Variants in CSMD1 observed in about 807,000 individuals in gnomAD.
The protein encoded by CSMD1 is CUB and sushi domain-containing protein 1.
CSMD1 carries 213 observed loss-of-function variants against 417.5 expected under a neutral mutation model. The observed-to-expected ratio is 0.51, with a 90% CI of 0.46 to 0.57. The LOEUF (loss-of-function observed/expected upper bound fraction) is 0.57. Among genes scored for constraint, CSMD1 ranks in the 20% least tolerant of loss-of-function variants. The probability of loss-of-function intolerance (pLI) is 0.00; values close to 1 mark genes in which losing one functional copy is unlikely to be tolerated. For missense variants in CSMD1, 6,923 were observed against 4,529.7 expected, an observed-to-expected ratio of 1.53 and a Z score of -15.17; for synonymous variants, 2,862 against 1,736.8, an observed-to-expected ratio of 1.65 and a Z score of -16.11.
intron 12 of CSMD1, among the ~76,000 whole-genome samples, chr8:3,454,293 G>A (rs55804612): frequency 1.3e-5 from 2 of 152,028 alleles, no homozygotes; most frequent in African/African-American, 2.4e-5. Context: ...CTTTTAATTG[G>A]AGCATTTGGC....
intron 4 of CSMD1, among the ~76,000 whole-genome samples, chr8:4,028,435 G>A (rs556187448): frequency 7.2e-5 from 11 of 151,994 alleles, no homozygotes; most frequent in Middle Eastern, 3.4e-3. Flanking sequence ...AGCAGTCATC[G>A]CCGTCATATG....
At chr8:4,979,976 T>C (rs1282883364) in intron 1 of CSMD1, among the ~76,000 whole-genome samples, 1 of 152,144 alleles carries the variant, frequency 6.6e-6, no homozygotes, top group African/African-American at 2.4e-5. Flanking sequence ...AGGCGCAGCT[T>C]GCAGTGAGCC....
At chr8:4,334,477 T>C (rs931949080) in intron 3 of CSMD1, among the ~76,000 whole-genome samples, 1 of 152,188 alleles carries the variant, frequency 6.6e-6, no homozygotes, top group Non-Finnish European at 1.5e-5. Context: ...GTGTTCATCC[T>C]GCCTTATCGA....
intron 3 of CSMD1, among the ~76,000 whole-genome samples, chr8:4,236,035 G>GTTTTTTTTTTTTTTTTTTTTT (rs869046913): frequency 3.6e-5 from 4 of 112,612 alleles, no homozygotes; most frequent in African/African-American, 1.2e-4. Context: ...TGTTTTTTTT[G>GTTTTTTTTTTTTTTTTTTTTT]TTTGTTTTTT....
At chr8:4,423,997 G>GCT (rs1797404041) in intron 2 of CSMD1, among the ~76,000 whole-genome samples, 1 of 151,880 alleles carries the variant, frequency 6.6e-6, no homozygotes. Context: ...GGATCAATTG[G>GCT]ATGTCCATAG....
chr8:3,069,217 C>A (rs772164239), intron 49 of CSMD1, among the ~76,000 whole-genome samples: 6 of 151,960 alleles, frequency 3.9e-5, no homozygotes, highest in Non-Finnish European at 5.9e-5. Context: ...AGGTGGATCA[C>A]GAGATCAGGA....
chr8:3,546,770 A>G (rs1025543076), intron 10 of CSMD1, among the ~76,000 whole-genome samples: 3 of 152,222 alleles, frequency 2.0e-5, no homozygotes, highest in Non-Finnish European at 4.4e-5. Context: ...GTTTCATGAC[A>G]TGAACTTTTT....
chr8:3,802,401 C>A (rs1422564338), intron 5 of CSMD1, among the ~76,000 whole-genome samples: 1 of 152,124 alleles, frequency 6.6e-6, no homozygotes, highest in Admixed American at 6.6e-5. Flanking sequence ...AATGTTGCAT[C>A]ATTTTCAAAC....
intron 3 of CSMD1, among the ~76,000 whole-genome samples, chr8:4,107,771 G>A (rs150370422): frequency 3.7e-4 from 56 of 152,322 alleles, no homozygotes; most frequent in African/African-American, 1.3e-3. Flanking sequence ...ACTGCACGAG[G>A]CTGTCACCAC....
At chr8:4,443,910 C>A (rs1464326241) in intron 2 of CSMD1, among the ~76,000 whole-genome samples, 1 of 152,100 alleles carries the variant, frequency 6.6e-6, no homozygotes, top group African/African-American at 2.4e-5. Flanking sequence ...CTACAGGAGT[C>A]CTCATAAGAA....
chr8:4,519,611 G>T (rs896743295), intron 2 of CSMD1, among the ~76,000 whole-genome samples: 1 of 151,104 alleles, frequency 6.6e-6, no homozygotes, highest in African/African-American at 2.4e-5. Context: ...ATGGTTGCAG[G>T]TACCTATAAT....
chr8:4,783,053 C>G (rs956714897), intron 1 of CSMD1, among the ~76,000 whole-genome samples: 2 of 151,972 alleles, frequency 1.3e-5, no homozygotes, highest in Non-Finnish European at 2.9e-5. Flanking sequence ...AAACACTGAC[C>G]TCTTTCATAA....
At chr8:3,090,613 C>G (rs532343297) in intron 48 of CSMD1, among the ~76,000 whole-genome samples, 6 of 152,234 alleles carry the variant, frequency 3.9e-5, no homozygotes, top group African/African-American at 1.4e-4. Context: ...TTTGGACGCT[C>G]GTAGTCCCTA....
chr8:4,857,788 A>G (rs1350435569), intron 1 of CSMD1, among the ~76,000 whole-genome samples: 1 of 152,068 alleles, frequency 6.6e-6, no homozygotes, highest in Non-Finnish European at 1.5e-5. Context: ...TACCAACCAA[A>G]AAGAGTCCAG....
At chr8:3,043,558 T>C (rs1296016154) in intron 50 of CSMD1, among the ~76,000 whole-genome samples, 1 of 152,054 alleles carries the variant, frequency 6.6e-6, no homozygotes, top group Non-Finnish European at 1.5e-5. Flanking sequence ...CAGCATAGAG[T>C]AGGTCCACAT....
chr8:4,598,644 T>C (rs1800410308), intron 2 of CSMD1, among the ~76,000 whole-genome samples: 1 of 152,214 alleles, frequency 6.6e-6, no homozygotes, highest in African/African-American at 2.4e-5. Context: ...TTAACTATGC[T>C]AGGAATCTAG....
chr8:4,385,467 T>C (rs1347883028), intron 3 of CSMD1, among the ~76,000 whole-genome samples: 2 of 152,226 alleles, frequency 1.3e-5, no homozygotes, highest in Non-Finnish European at 2.9e-5. Flanking sequence ...TATTTTTAAA[T>C]TCATATTTAA....
At chr8:4,390,276 T>C (rs959575905) in intron 3 of CSMD1, among the ~76,000 whole-genome samples, 3 of 152,092 alleles carry the variant, frequency 2.0e-5, no homozygotes, top group Admixed American at 6.6e-5. Flanking sequence ...TTTTTAAAAC[T>C]GTCACGAGGA....
At chr8:4,843,716 C>G (rs935594600) in intron 1 of CSMD1, among the ~76,000 whole-genome samples, 1 of 152,106 alleles carries the variant, frequency 6.6e-6, no homozygotes, top group Non-Finnish European at 1.5e-5. Flanking sequence ...ATATATTATT[C>G]TGTTTTACAC....
Sources: gnomAD v4.1 joint callset for allele counts (sites outside exome capture counted in the v4.1 genomes callset) on GRCh38, gnomAD v4.1.1 for gene constraint, MANE v1.5 for transcripts, NCBI Gene and HGNC (gene_info 2026-07-23, HGNC 2026-07-21) for gene names.